ACADL: variants seen among roughly 807,000 people sequenced by gnomAD.
ACADL encodes acyl-CoA dehydrogenase long chain.
ACADL carries 60 observed loss-of-function variants against 56.9 expected under a neutral mutation model. That is an observed-to-expected ratio of 1.05 (90% CI 0.86 to 1.31). The LOEUF is 1.31. Ranked by LOEUF, ACADL falls within the 50% of genes most tolerant of loss-of-function variation. ACADL has a pLI of 0.00. For synonymous variants in ACADL, 158 were observed against 179.7 expected (o/e 0.88, Z 0.97); for missense variants, 484 against 525.5 (o/e 0.92, Z 0.77).
chr2:210,218,285 C>CTTTTTTT (rs35116912), intron 2 of ACADL, among the ~76,000 whole-genome samples, 183 bp from the exon 3 acceptor site: 9 of 95,370 alleles, frequency 9.4e-5, no homozygotes, highest in Admixed American at 3.2e-4. Context: ...CTTTTTTCTG[C>CTTTTTTT]TTTTTTTTTT....
At chr2:210,208,468 G>C (rs1005670921) in intron 5 of ACADL, among the ~76,000 whole-genome samples, 11 of 152,116 alleles carry the variant, frequency 7.2e-5, no homozygotes, top group African/African-American at 2.7e-4. Flanking sequence ...TTCTCAGTTT[G>C]TTTCCTAATT....
rs766065140 is a variant in ACADL, at chr2:210,192,909, A to G, written c.1113-19T>C. The G allele has an allele frequency of 5.0e-6, 8 of 1,591,488 alleles. No individual in the cohort carries two copies. In the South Asian group the frequency reaches 8.8e-5, roughly 18 times the overall value. On this transcript the variant is annotated intron_variant, in intron 9 of 10. Coordinates refer to ENST00000233710, the MANE Select transcript of ACADL (RefSeq NM_001608.4). ...AGATGCCCTAAATGACCAAAATAAAAGGCAGAAAAGAAATGTTTGAAATGG... is the reference window on the plus strand; with the variant it reads ...AGATGCCCTAAATGACCAAAATAAAGGGCAGAAAAGAAATGTTTGAAATGG...
At chr2:210,197,135 TACAGGTATATCAACATA>T (rs1688723089) in intron 8 of ACADL, among the ~76,000 whole-genome samples, 1 of 152,188 alleles carries the variant, frequency 6.6e-6, no homozygotes, top group African/African-American at 2.4e-5. Flanking sequence ...GCAGATTCCT[TACAGGTATATCAACATA>T]ACTACTGTGC....
intron 2 of ACADL, 79 bp from the exon 3 acceptor site, chr2:210,218,181 T>A: frequency 1.5e-6 from 2 of 1,355,164 alleles, no homozygotes; most frequent in Non-Finnish European, 2.1e-6. Context: ...TTATGAATGA[T>A]TTTGTGTAGA....
At chr2:210,212,507 C>G (rs903254207) in intron 4 of ACADL, among the ~76,000 whole-genome samples, 2 of 151,960 alleles carry the variant, frequency 1.3e-5, no homozygotes, top group African/African-American at 4.8e-5. Context: ...CCTCCTGATA[C>G]CTTGATTTGG....
intron 1 of ACADL, among the ~76,000 whole-genome samples, chr2:210,221,347 C>T (rs983106033): frequency 1.3e-5 from 2 of 152,124 alleles, no homozygotes; most frequent in African/African-American, 4.8e-5. Flanking sequence ...GATAAAGATT[C>T]TGTAAAATGG....
Position 210,220,734 on chromosome 2 carries a change from A to G in ACADL, c.146T>C (p.Ile49Thr). The G allele has an allele frequency of 6.2e-7, 1 of 1,613,010 alleles. No individual in the cohort carries two copies. Among genetic ancestry groups the G allele is most frequent in the Non-Finnish European group, 8.5e-7 (1 of 1,179,482 alleles). ...ATGCTCTGGAGAAAAGATTCTTCGA[A>G]TTCCTATATCTGTTAATTTTTTAGC... ...PSAKKLTDIGIRRIFSPEHDI... is the reference protein window; with the variant it reads ...PSAKKLTDIGTRRIFSPEHDI... Residue 49 changes from isoleucine to threonine, a missense_variant, in exon 2 of 11, where the codon ATT becomes ACT. By Grantham distance (89) the Ile-to-Thr change is moderately conservative. Transcript: ENST00000233710.
At chr2:210,193,463 A>G (rs1016183919) in intron 9 of ACADL, among the ~76,000 whole-genome samples, 2 of 152,284 alleles carry the variant, frequency 1.3e-5, no homozygotes, top group Admixed American at 6.5e-5. Flanking sequence ...AAAATTATAT[A>G]GAGATTATTA....
At chr2:210,221,819 TC>T (rs1356415357) in intron 1 of ACADL, among the ~76,000 whole-genome samples, 1 of 151,802 alleles carries the variant, frequency 6.6e-6, no homozygotes, top group African/African-American at 2.4e-5. Flanking sequence ...ACCTTCGCCT[TC>T]CCGGTTCAAG....
intron 8 of ACADL, among the ~76,000 whole-genome samples, chr2:210,200,402 G>T (rs2125710977): frequency 6.6e-6 from 1 of 152,068 alleles, no homozygotes; most frequent in South Asian, 2.1e-4. Context: ...TGTCCTCCAG[G>T]GCACTATACA....
chr2:210,202,862 C>T (rs183560203), intron 8 of ACADL, among the ~76,000 whole-genome samples: 4 of 152,202 alleles, frequency 2.6e-5, no homozygotes, highest in East Asian at 3.9e-4. Context: ...ATCTACTCAT[C>T]GGGTGTGTCA....
At chr2:210,217,613 G>T in intron 3 of ACADL, 1 of 175,260 alleles carries the variant, frequency 5.7e-6, no homozygotes, top group Non-Finnish European at 1.2e-5. Context: ...ATTTGTTCTT[G>T]TATATTAAAT....
Position 210,189,731 on chromosome 2 carries a change from G to GTT in ACADL, c.1200-679_1200-678dup, listed in dbSNP as rs1394807350. On this transcript the variant is annotated intron_variant, in intron 10 of 10. Coordinates refer to ENST00000233710, the MANE Select transcript of ACADL (RefSeq NM_001608.4). The stretch of plus-strand genomic sequence containing the variant: ...ATAACAACCGTACCACTGTACAGTT[G>GTT]TTTTTATCTTTTCTCATCTCATTTT... Among the ~76,000 whole-genome samples the GTT allele has an allele frequency of 8.5e-5, 13 of 152,084 alleles. No homozygotes were observed. In the East Asian group the frequency reaches 2.5e-3, roughly 29 times the overall value.
intron 8 of ACADL, among the ~76,000 whole-genome samples, chr2:210,196,434 T>C (rs1413890173): frequency 6.6e-6 from 1 of 152,132 alleles, no homozygotes; most frequent in Non-Finnish European, 1.5e-5. Flanking sequence ...CTCCTCCTAC[T>C]GGCCATGGAC....
chr2:210,192,773 A>G lies in ACADL; in HGVS notation c.1199+31T>C, dbSNP rs767072465. The G allele has an allele frequency of 3.9e-6, 6 of 1,532,724 alleles. No homozygotes were observed. In the South Asian group the frequency reaches 6.7e-5, roughly 17 times the overall value. 94.9% of individuals were successfully genotyped at this position (1,532,724 alleles called of 1,614,324 possible). On this transcript the variant is annotated intron_variant, in intron 10 of 10. Coordinates refer to ENST00000233710, the MANE Select transcript of ACADL (RefSeq NM_001608.4). ...AAATTTTCCTTTTTCTTCACATCAT[A>G]AAGAAGAGTGTATCAGAAAACTATA...
At chr2:210,192,981 G>T in intron 9 of ACADL, 91 bp from the exon 10 acceptor site, 1 of 941,692 alleles carries the variant, frequency 1.1e-6, no homozygotes, top group Non-Finnish European at 1.7e-6. Flanking sequence ...ATTTACAATT[G>T]TTTAAATGTG....
chr2:210,220,584 T>C (rs1689158533), intron 2 of ACADL, 63 bp downstream of exon 2: 1 of 1,489,076 alleles, frequency 6.7e-7, no homozygotes, highest in Admixed American at 1.7e-5. Flanking sequence ...TATATGGCAT[T>C]CTAGGAAATG....
Position 210,225,266 on chromosome 2 carries a change from C to G in ACADL, c.-3G>C, listed in dbSNP as rs906729856. 8 of 1,555,588 alleles carry G rather than the reference C, an allele frequency of 5.1e-6. No homozygotes were observed. The highest frequency in any genetic ancestry group is 1.9e-5 in the Admixed American group (1 of 53,658). On this transcript the variant is annotated 5_prime_UTR_variant, in exon 1 of 11. Coordinates refer to ENST00000233710, the MANE Select transcript of ACADL (RefSeq NM_001608.4). ...CCTCGGAGAAGGCGTGCGGCCATGT[C>G]CGAAACACAGGGGCGGCGGGGCGAC...
intron 8 of ACADL, among the ~76,000 whole-genome samples, chr2:210,202,536 A>G (rs1688809615): frequency 6.6e-6 from 1 of 152,024 alleles, no homozygotes; most frequent in African/African-American, 2.4e-5. Flanking sequence ...GTTGATGGGA[A>G]GGCCTATCTT....
Sources: allele counts gnomAD v4.1 joint callset (sites outside exome capture counted in the v4.1 genomes callset), GRCh38; gene constraint gnomAD v4.1.1; transcripts MANE v1.5; gene names NCBI Gene and HGNC (gene_info 2026-07-23, HGNC 2026-07-21).